PCDHA3: variants seen among roughly 807,000 people sequenced by gnomAD.
PCDHA3 encodes the protein protocadherin alpha 3.
PCDHA3 carries 41 observed loss-of-function variants against 62.2 expected under a neutral mutation model. The observed-to-expected ratio is 0.66, with a 90% CI of 0.51 to 0.86. PCDHA3 has a LOEUF of 0.86. PCDHA3 is among the 40% of genes least tolerant of loss of function. The pLI, the probability that PCDHA3 is intolerant of heterozygous loss-of-function variation, is 0.00. For synonymous variants in PCDHA3, 640 were observed against 555.4 expected (o/e 1.15, Z -2.14); for missense variants, 1,304 against 1,241.2 (o/e 1.05, Z -0.76).
intron 1 of PCDHA3, among the ~76,000 whole-genome samples, chr5:140,947,661 T>C (rs2094159982): frequency 6.6e-6 from 1 of 151,672 alleles, no homozygotes; most frequent in South Asian, 2.1e-4. Context: ...CTCCATTTAC[T>C]TGGGTCTTTA....
intron 1 of PCDHA3, chr5:140,823,943 CG>C: frequency 1.9e-6 from 3 of 1,613,918 alleles, no homozygotes; most frequent in Non-Finnish European, 2.5e-6. Context: ...CTGCGGTGCT[CG>C]GCGCAGCCCA....
At chr5:140,852,863 G>A (rs945338680) in intron 1 of PCDHA3, 4 of 958,208 alleles carry the variant, frequency 4.2e-6, no homozygotes, top group Non-Finnish European at 3.8e-6. Flanking sequence ...CATTTACTAT[G>A]TCATCAATAA....
At chr5:140,983,583 CT>C (rs2153831802) in intron 3 of PCDHA3, among the ~76,000 whole-genome samples, 1 of 152,306 alleles carries the variant, frequency 6.6e-6, no homozygotes, top group African/African-American at 2.4e-5. Context: ...TTTATTACAT[CT>C]ATTCTACATA....
chr5:140,887,047 C>G (rs530605993), intron 1 of PCDHA3, among the ~76,000 whole-genome samples: 1 of 151,882 alleles, frequency 6.6e-6, no homozygotes, highest in African/African-American at 2.4e-5. Flanking sequence ...TTTTATAGTG[C>G]ATATGTTCTG....
chr5:140,968,132 A>G, intron 1 of PCDHA3: 1 of 1,614,082 alleles, frequency 6.2e-7, no homozygotes, highest in Non-Finnish European at 8.5e-7. Flanking sequence ...GCGTACACTG[A>G]AGGTTGAGAT....
At chr5:140,877,838 A>G (rs1395855806) in intron 1 of PCDHA3, 16 of 1,583,236 alleles carry the variant, frequency 1.0e-5, no homozygotes, top group Non-Finnish European at 1.4e-5. Flanking sequence ...CCTCCCAGTG[A>G]AGTAAGTTAT....
In PCDHA3 at chr5:140,846,583, C is replaced by T. The variant is rs2150392469; in HGVS notation, c.2394+42992C>T. On this transcript the variant is annotated intron_variant, in intron 1 of 3. Transcript: ENST00000522353. The stretch of plus-strand genomic sequence containing the variant: ...TAGAGTCGGGGTTTCACCATGTTAG[C>T]CAGGATGGTCTCGATCTCCTGACCT... Among the ~76,000 whole-genome samples the T allele has an allele frequency of 2.6e-4, 39 of 148,680 alleles. 1 individual carries two copies. Among genetic ancestry groups the T allele is most frequent in the African/African-American group, 9.4e-4 (38 of 40,584 alleles).
intron 1 of PCDHA3, chr5:140,864,365 A>G (rs2048439709): frequency 6.6e-6 from 1 of 152,220 alleles, no homozygotes; most frequent in Non-Finnish European, 1.5e-5. Flanking sequence ...TTATCTTTCT[A>G]TAATCGATAA....
chr5:140,802,908 G>A lies in PCDHA3; in HGVS notation c.1711G>A (p.Gly571Ser), dbSNP rs1357765961. Residue 571 changes from glycine (G) to serine (S), a missense_variant, in exon 1 of 4, where the codon GGT (glycine) becomes AGT (serine). Coordinates refer to ENST00000522353, the MANE Select transcript of PCDHA3 (RefSeq NM_018906.3). ...GCCGGCACTGCTGATGCCTCGGGTG[G>A]GTGGCATCGGTGGCGCAGTGAGCGA... Reference protein sequence around the residue: ...NAPALLMPRVGGIGGAVSELV... With the variant: ...NAPALLMPRVSGIGGAVSELV... The A allele has an allele frequency of 6.2e-7, 1 of 1,613,636 alleles. No individual in the cohort carries two copies. Among genetic ancestry groups the A allele is most frequent in the African/African-American group, 1.3e-5 (1 of 74,948 alleles).
intron 1 of PCDHA3, among the ~76,000 whole-genome samples, chr5:140,976,713 T>TA (rs1554237898): frequency 6.6e-6 from 1 of 152,216 alleles, no homozygotes; most frequent in Admixed American, 6.5e-5. Flanking sequence ...CTTTGCATTA[T>TA]AGTTCATTTA....
chr5:140,879,539 A>G (rs1554170849), intron 1 of PCDHA3, among the ~76,000 whole-genome samples: 1 of 152,238 alleles, frequency 6.6e-6, no homozygotes, highest in Non-Finnish European at 1.5e-5. Flanking sequence ...CAACTCCTTT[A>G]GAGAAAAAAA....
intron 1 of PCDHA3, chr5:140,836,815 A>AT (rs1774761727): frequency 8.3e-7 from 1 of 1,210,190 alleles, no homozygotes; most frequent in African/African-American, 1.5e-5. Context: ...TTCTTTCATA[A>AT]TTTCTTTTTT....
intron 1 of PCDHA3, chr5:140,835,897 C>T (rs2150247732): frequency 2.5e-6 from 4 of 1,612,078 alleles, no homozygotes; most frequent in Non-Finnish European, 3.4e-6. Context: ...CGCGCGCTGT[C>T]GAGCTACGTG....
chr5:140,856,321 C>G lies in PCDHA3; in HGVS notation c.2394+52730C>G, dbSNP rs544932528. ...TGTTTGTGAATTCTCGGATTGACCG[C>G]GAGGAGCTGTGCGGGCGGAGCGTGG... On this transcript the variant is annotated intron_variant, in intron 1 of 3. Transcript: ENST00000522353. 15 of 1,598,548 alleles carry G rather than the reference C, an allele frequency of 9.4e-6. 2 individuals are homozygous for G. In the Admixed American group the frequency reaches 1.3e-4, roughly 14 times the overall value.
At chr5:140,829,826 G>C (rs2150175496) in intron 1 of PCDHA3, 2 of 1,613,796 alleles carry the variant, frequency 1.2e-6, no homozygotes, top group East Asian at 4.5e-5. Context: ...TGCAGTGAGC[G>C]AGCTGGTGCC....
chr5:141,006,388 A>AT (rs2098271631), intron 3 of PCDHA3, among the ~76,000 whole-genome samples: 1 of 151,322 alleles, frequency 6.6e-6, no homozygotes, highest in African/African-American at 2.4e-5. Flanking sequence ...AGTTTTTTCT[A>AT]TTTTTTAGTA....
chr5:140,904,747 A>T (rs1462923024), intron 1 of PCDHA3, among the ~76,000 whole-genome samples: 1 of 151,918 alleles, frequency 6.6e-6, no homozygotes, highest in Non-Finnish European at 1.5e-5. Context: ...TATTATGACC[A>T]TTTTTGCAAG....
At chr5:140,928,374 C>A in intron 1 of PCDHA3, 1 of 1,614,172 alleles carries the variant, frequency 6.2e-7, no homozygotes, top group Non-Finnish European at 8.5e-7. Context: ...GGCCATCAGC[C>A]TCTAGCTTGC....
intron 1 of PCDHA3, chr5:140,828,543 T>C: frequency 6.2e-7 from 1 of 1,614,216 alleles, no homozygotes; most frequent in Non-Finnish European, 8.5e-7. Context: ...CCAGATTCTG[T>C]GTTTCCACTG....
Sources: allele counts gnomAD v4.1 joint callset (sites outside exome capture counted in the v4.1 genomes callset), GRCh38; gene constraint gnomAD v4.1.1; transcripts MANE v1.5; gene names NCBI Gene and HGNC (gene_info 2026-07-23, HGNC 2026-07-21).